The following PCDHA1 variants were observed in gnomAD, a reference collection of about 807,000 sequenced individuals.
The protein encoded by PCDHA1 is protocadherin alpha 1.
In PCDHA1, 42 loss-of-function variants were observed where a neutral mutation model predicts 61.3. The ratio of observed to expected loss-of-function variants is 0.69; its 90% CI spans 0.54 to 0.89. The LOEUF (loss-of-function observed/expected upper bound fraction) is 0.89. Ranked by LOEUF, PCDHA1 falls within the 40% of genes least tolerant of loss-of-function variation. PCDHA1 has a pLI of 0.00. For synonymous variants in PCDHA1, 610 were observed against 553.8 expected, an observed-to-expected ratio of 1.10 and a Z score of -1.43; for missense variants, 1,256 against 1,235.3, an observed-to-expected ratio of 1.02 and a Z score of -0.25.
At chr5:140,885,737 A>G (rs1347685899) in intron 1 of PCDHA1, among the ~76,000 whole-genome samples, 1 of 152,222 alleles carries the variant, frequency 6.6e-6, no homozygotes, top group South Asian at 2.1e-4. Context: ...ATGATATTTC[A>G]CTGTTACTTT....
At chr5:140,942,681 A>G (rs1554215168) in intron 1 of PCDHA1, among the ~76,000 whole-genome samples, 1 of 152,206 alleles carries the variant, frequency 6.6e-6, no homozygotes, top group African/African-American at 2.4e-5. Flanking sequence ...AGTTTTAGGA[A>G]TAACTTTAAT....
At chr5:140,950,343 A>C (rs1169343189) in intron 1 of PCDHA1, among the ~76,000 whole-genome samples, 9 of 151,988 alleles carry the variant, frequency 5.9e-5, no homozygotes, top group African/African-American at 2.2e-4. Context: ...GATTTATCTT[A>C]GTTTTCCTTT....
At chr5:140,835,876 G>A (rs1774006119) in intron 1 of PCDHA1, 2 of 1,611,976 alleles carry the variant, frequency 1.2e-6, no homozygotes, top group East Asian at 4.5e-5. Flanking sequence ...GTGGAGCTGC[G>A]GGTGGGCGAG....
rs1490529127 is a variant in PCDHA1 at position 140,806,818 on chromosome 5, CT to C, written c.2394+18135del. The C allele has an allele frequency of 8.8e-5, 20 of 228,278 alleles. No homozygotes were observed. The Middle Eastern group carries it at 3.4e-3, about 39-fold the overall frequency. The allele number at this position is 228,278 out of a possible 1,614,324, so 14.1% of individuals were successfully genotyped here. On this transcript the variant is annotated intron_variant, in intron 1 of 3. Transcript: ENST00000504120. ...ATTTCTACTGAAGTAAAAGTTGCCC[CT>C]ATGGCGAAACTAAGGACCACACTCA...
chr5:140,925,108 G>GGGAA (rs1299910272), intron 1 of PCDHA1, among the ~76,000 whole-genome samples: 1 of 124,780 alleles, frequency 8.0e-6, no homozygotes, highest in East Asian at 2.1e-4. Flanking sequence ...GAAGGAAGGA[G>GGGAA]GGAAGGAAGG....
At position 140,808,686 on chromosome 5, in the gene PCDHA1, G is replaced by A. The variant is rs1764236381; in HGVS notation, c.2394+20002G>A. 2.5e-6 allele frequency: 4 copies of A among 1,612,280 alleles called. No homozygotes were observed. The South Asian group carries it at 3.3e-5, about 13-fold the overall frequency. Reference sequence around the variant, plus strand: ...TACTCGCTGGTAGAGCGGCGGGTAGGGGAGCGCGCGCTGTCGAGCTACGTT... The same window carrying A: ...TACTCGCTGGTAGAGCGGCGGGTAGAGGAGCGCGCGCTGTCGAGCTACGTT... On this transcript the variant is annotated intron_variant, in intron 1 of 3. Transcript: ENST00000504120.
chr5:140,836,116 G>C, intron 1 of PCDHA1: 3 of 1,613,762 alleles, frequency 1.9e-6, no homozygotes, highest in Non-Finnish European at 2.5e-6. Flanking sequence ...GGCGCAGTGA[G>C]AGAGCTTGTG....
rs782161037 is a variant in PCDHA1, at chr5:140,796,753, G to T, written c.2394+8069G>T. On this transcript the variant is annotated intron_variant, in intron 1 of 3. Transcript: ENST00000504120. ...GCACGTGGTGGCGAAGGTGCGCGCA[G>T]TGGACGCTGACTCAGGCTACAACGC... 3 of 1,614,156 alleles carry T rather than the reference G, an allele frequency of 1.9e-6. No individual in the cohort carries two copies. The Admixed American group carries it at 5.0e-5, about 27-fold the overall frequency.
At chr5:140,852,883 G>A (rs1190514830) in intron 1 of PCDHA1, 22 of 933,050 alleles carry the variant, frequency 2.4e-5, no homozygotes, top group African/African-American at 1.6e-4. Flanking sequence ...ATCATAAAAC[G>A]TATTTTTTTT....
intron 1 of PCDHA1, among the ~76,000 whole-genome samples, chr5:140,833,397 T>C (rs1420614000): frequency 6.6e-6 from 1 of 152,172 alleles, no homozygotes; most frequent in East Asian, 1.9e-4. Flanking sequence ...ACCTCAAGAC[T>C]TGATCAAAGG....
In PCDHA1 at chr5:140,838,535, A is replaced by G. The variant is rs1417451596; in HGVS notation, c.2394+49851A>G. On this transcript the variant is annotated intron_variant, in intron 1 of 3. Transcript: ENST00000504120. ...ATTTGCATCTTATTTTCTTTTATGG[A>G]TATATCATGATTTATTCATCCAGTA... 2.0e-5 allele frequency among the ~76,000 whole-genome samples: 3 copies of G among 151,550 alleles called. No homozygotes were observed. The East Asian group carries it at 5.8e-4, about 29-fold the overall frequency.
At chr5:140,870,900 C>T in intron 1 of PCDHA1, 1 of 1,613,956 alleles carries the variant, frequency 6.2e-7, no homozygotes, top group Non-Finnish European at 8.5e-7. Flanking sequence ...TGGATGCGGA[C>T]TCAGGCTACA....
rs1237134609 is a variant in PCDHA1 at position 141,011,353 on chromosome 5, A to T, written c.*1416A>T. 6.5e-6 allele frequency: 1 copy of T among 153,692 alleles called. No homozygotes were observed. The highest frequency in any genetic ancestry group is 1.5e-5 in the Non-Finnish European group (1 of 68,032). The allele number at this position is 153,692 out of a possible 1,614,324, so 9.5% of individuals were successfully genotyped here. On this transcript the variant is annotated 3_prime_UTR_variant, in exon 4 of 4. Coordinates refer to ENST00000504120, the MANE Select transcript of PCDHA1 (RefSeq NM_018900.4). ...ATGTTACCTGAAATCAATCTCCCAT[A>T]TGTATGCTGTATGCTATGCTAAGAC...
intron 1 of PCDHA1, chr5:140,862,407 C>T: frequency 2.8e-6 from 1 of 351,564 alleles, no homozygotes; most frequent in Non-Finnish European, 5.6e-6. Flanking sequence ...TGTCTACCTT[C>T]AAAAGGCGCT....
intron 3 of PCDHA1, among the ~76,000 whole-genome samples, chr5:140,996,121 G>A (rs2097712758): frequency 6.6e-6 from 1 of 152,212 alleles, no homozygotes; most frequent in Admixed American, 6.5e-5. Flanking sequence ...GTGCAGGGTG[G>A]TGTAGAGGGT....
chr5:140,828,245 C>G lies in PCDHA1; in HGVS notation c.2394+39561C>G, dbSNP rs1354249187. On this transcript the variant is annotated intron_variant, in intron 1 of 3. Coordinates refer to ENST00000504120, the MANE Select transcript of PCDHA1 (RefSeq NM_018900.4). Reference sequence around the variant, plus strand: ...CTTCGTGGGCCGGATCGCGCAGGACCTGGGGCTGGAGCTGGCGGAGCTGGT... The same window carrying G: ...CTTCGTGGGCCGGATCGCGCAGGACGTGGGGCTGGAGCTGGCGGAGCTGGT... 59 of 1,613,838 alleles carry G rather than the reference C, an allele frequency of 3.7e-5. No individual in the cohort carries two copies. The highest frequency in any genetic ancestry group is 4.7e-5 in the Non-Finnish European group (55 of 1,180,056).
At chr5:140,973,325 A>G (rs180770098) in intron 1 of PCDHA1, among the ~76,000 whole-genome samples, 71 of 152,216 alleles carry the variant, frequency 4.7e-4, no homozygotes, top group African/African-American at 1.7e-3. Context: ...CAGAGTTTAC[A>G]CTCGTTGTAA....
chr5:140,848,359 G>C, intron 1 of PCDHA1: 1 of 1,059,608 alleles, frequency 9.4e-7, no homozygotes, highest in South Asian at 1.6e-5. Context: ...TTTTCCCATG[G>C]GAAAGAGGCT....
At chr5:140,885,203 C>A (rs1348633653) in intron 1 of PCDHA1, among the ~76,000 whole-genome samples, 2 of 151,986 alleles carry the variant, frequency 1.3e-5, no homozygotes, top group African/African-American at 2.4e-5. Flanking sequence ...TCTCATATAT[C>A]CCATGAAAAA....
Sources: gnomAD v4.1 joint callset for allele counts (sites outside exome capture counted in the v4.1 genomes callset) on GRCh38, gnomAD v4.1.1 for gene constraint, MANE v1.5 for transcripts, NCBI Gene and HGNC (gene_info 2026-07-23, HGNC 2026-07-21) for gene names.